ADCYAP1R1: variants seen among roughly 807,000 people sequenced by gnomAD.
The protein encoded by ADCYAP1R1 is pituitary adenylate cyclase-activating polypeptide type I receptor.
In ADCYAP1R1, 44 loss-of-function variants were observed where a neutral mutation model predicts 67.6. The observed-to-expected ratio is 0.65, with a 90% confidence interval of 0.51 to 0.84. ADCYAP1R1 has a LOEUF of 0.84. Ranked by LOEUF, ADCYAP1R1 falls within the 40% of genes least tolerant of loss-of-function variation. The pLI is 0.00. For missense variants in ADCYAP1R1, 477 were observed against 587.9 expected, an observed-to-expected ratio of 0.81 and a Z score of 1.95; for synonymous variants, 222 against 219.6, an observed-to-expected ratio of 1.01 and a Z score of -0.10.
intron 12 of ADCYAP1R1, 149 bp downstream of exon 12, chr7:31,087,845 CTT>C (rs1795817259): frequency 1.0e-5 from 6 of 573,012 alleles, no homozygotes; most frequent in Non-Finnish European, 1.8e-5. Context: ...TGCACAAACT[CTT>C]TAGCTATTCC....
Position 31,081,721 on chromosome 7 carries a change from G to A in ADCYAP1R1, c.295G>A (p.Asp99Asn). 1 of 1,598,580 alleles carries A rather than the reference G, an allele frequency of 6.3e-7. No homozygotes were observed. The highest frequency in any genetic ancestry group is 1.7e-4 in the Middle Eastern group (1 of 6,016). ...VWETETIGES[D>N]FGDSNSLDLS... ...ATGTCTGTATTTTTCAGGAGAGTCT[G>A]ATTTTGGTGACAGTAACTCCTTAGA... Residue 99 changes from aspartate to asparagine, a missense_variant, in exon 6 of 16, where the codon GAT becomes AAT. Physicochemically the swap from Asp to Asn is conservative, Grantham distance 23 (BLOSUM62 1). Coordinates refer to ENST00000304166, the MANE Select transcript of ADCYAP1R1 (RefSeq NM_001118.5).
intron 12 of ADCYAP1R1, among the ~76,000 whole-genome samples, chr7:31,088,769 T>C (rs1795850051): frequency 6.6e-6 from 1 of 152,344 alleles, no homozygotes; most frequent in African/African-American, 2.4e-5. Context: ...TACTGTAACC[T>C]TGTAGCATGT....
At chr7:31,069,807 C>A (rs1262529997) in intron 3 of ADCYAP1R1, among the ~76,000 whole-genome samples, 2 of 152,100 alleles carry the variant, frequency 1.3e-5, no homozygotes, top group Non-Finnish European at 2.9e-5. Flanking sequence ...AAAATAGAGC[C>A]CAGAGAGGTG....
intron 13 of ADCYAP1R1, among the ~76,000 whole-genome samples, chr7:31,097,923 C>T (rs1796270482): frequency 6.6e-6 from 1 of 152,144 alleles, no homozygotes. Flanking sequence ...AATTTTTAGA[C>T]AGAGTCTTGC....
At chr7:31,060,018 A>G (rs535813940) in intron 1 of ADCYAP1R1, among the ~76,000 whole-genome samples, 1 of 149,938 alleles carries the variant, frequency 6.7e-6, no homozygotes, top group Non-Finnish European at 1.5e-5. Flanking sequence ...GAGGCACCCT[A>G]TTGAGAGTGC....
chr7:31,096,253 A>T (rs544530782), intron 13 of ADCYAP1R1, among the ~76,000 whole-genome samples: 2 of 151,966 alleles, frequency 1.3e-5, no homozygotes, highest in African/African-American at 4.8e-5. Flanking sequence ...AGGAGGGAAA[A>T]CCCATTTGTA....
chr7:31,071,280 TC>T (rs1794967637), intron 3 of ADCYAP1R1, among the ~76,000 whole-genome samples: 1 of 152,198 alleles, frequency 6.6e-6, no homozygotes, highest in East Asian at 1.9e-4. Context: ...ATCCCTTTCC[TC>T]CTGCTCTCAC....
In ADCYAP1R1 at chr7:31,093,764, C is replaced by G. The variant is rs562542575; in HGVS notation, c.1046+1029C>G. Reference sequence around the variant, plus strand: ...CTGGGTGCCTCATTGGGTCCATGGTCCTGCCTTCATCAGAGACCCCAGTAG... The same window carrying G: ...CTGGGTGCCTCATTGGGTCCATGGTGCTGCCTTCATCAGAGACCCCAGTAG... On this transcript the variant is annotated intron_variant, in intron 13 of 15. Coordinates refer to ENST00000304166, the MANE Select transcript of ADCYAP1R1 (RefSeq NM_001118.5). Among the ~76,000 whole-genome samples the G allele has an allele frequency of 1.4e-3, 220 of 152,170 alleles. 1 individual carries two copies. The highest frequency in any genetic ancestry group is 3.4e-3 in the Middle Eastern group (1 of 294).
At chr7:31,101,957 T>C (rs1752485258) in intron 13 of ADCYAP1R1, among the ~76,000 whole-genome samples, 1 of 152,122 alleles carries the variant, frequency 6.6e-6, no homozygotes, top group South Asian at 2.1e-4. Flanking sequence ...CGGGCTGAGC[T>C]CCCTCTGCCT....
chr7:31,080,966 C>A lies in ADCYAP1R1; in HGVS notation c.286+333C>A, dbSNP rs545020323. Among the ~76,000 whole-genome samples, 4 of 152,322 alleles carry A rather than the reference C, an allele frequency of 2.6e-5. No homozygotes were observed. The South Asian group carries it at 6.2e-4, about 24-fold the overall frequency. The stretch of plus-strand genomic sequence containing the variant: ...ATATGTGCATATGCCCAGACCTGAA[C>A]ATGTGCATCAGTCCATGCAGATATT... On this transcript the variant is annotated intron_variant, in intron 5 of 15. Transcript: ENST00000304166.
At chr7:31,060,445 G>T (rs1272626779) in intron 1 of ADCYAP1R1, among the ~76,000 whole-genome samples, 1 of 152,112 alleles carries the variant, frequency 6.6e-6, no homozygotes, top group Non-Finnish European at 1.5e-5. Context: ...TTCTGTGTGT[G>T]GTCCTCTATG....
intron 1 of ADCYAP1R1, among the ~76,000 whole-genome samples, chr7:31,055,746 T>G (rs1435997447): frequency 6.6e-6 from 1 of 152,158 alleles, no homozygotes; most frequent in Non-Finnish European, 1.5e-5. Flanking sequence ...GTCAGAGAGG[T>G]TGACAAAGGG....
rs1002877802 is a variant in ADCYAP1R1, at chr7:31,096,680, G to C, written c.1046+3945G>C. Among the ~76,000 whole-genome samples, 89 of 152,260 alleles carry C rather than the reference G, an allele frequency of 5.8e-4. 1 individual carries two copies. The highest frequency in any genetic ancestry group is 3.4e-3 in the Middle Eastern group (1 of 294). ...TCGTCCTTGTGGTTGCGGAGGAGGTGGTGGTGGGCAGGAAGTTCCCAGGAT... is the reference window on the plus strand; with the variant it reads ...TCGTCCTTGTGGTTGCGGAGGAGGTCGTGGTGGGCAGGAAGTTCCCAGGAT... On this transcript the variant is annotated intron_variant, in intron 13 of 15. Coordinates refer to ENST00000304166, the MANE Select transcript of ADCYAP1R1 (RefSeq NM_001118.5).
rs372962736 is a variant in ADCYAP1R1, at chr7:31,086,358, C to T, written c.670-26C>T. ...CTCCTGTTCCTGTTGGGCTCACGCCCCTCACCCTGGCGCTTCTCCCTGCAG... is the reference window on the plus strand; with the variant it reads ...CTCCTGTTCCTGTTGGGCTCACGCCTCTCACCCTGGCGCTTCTCCCTGCAG... On this transcript the variant is annotated intron_variant, in intron 9 of 15. Transcript: ENST00000304166. This position sits in a 1 kb window ranked among gnomAD's most constrained non-coding sequence, Gnocchi z 5.0. 14 of 1,611,356 alleles carry T rather than the reference C, an allele frequency of 8.7e-6. No individual in the cohort carries two copies. Among genetic ancestry groups the T allele is most frequent in the South Asian group, 2.2e-5 (2 of 90,274 alleles).
rs180695770 is a variant in ADCYAP1R1 at position 31,067,672 on chromosome 7, G to A, written c.157+2736G>A. Reference sequence around the variant, plus strand: ...CACCACCTCTAAAGAGTGACATGCTGTGGGTCCCAGCACCCCCCCGGGCGC... The same window carrying A: ...CACCACCTCTAAAGAGTGACATGCTATGGGTCCCAGCACCCCCCCGGGCGC... On this transcript the variant is annotated intron_variant, in intron 3 of 15. Coordinates refer to ENST00000304166, the MANE Select transcript of ADCYAP1R1 (RefSeq NM_001118.5). 5.2e-3 allele frequency among the ~76,000 whole-genome samples: 795 copies of A among 152,290 alleles called. 9 individuals are homozygous for A. Among genetic ancestry groups the A allele is most frequent in the African/African-American group, 0.018 (755 of 41,552 alleles).
intron 15 of ADCYAP1R1, among the ~76,000 whole-genome samples, chr7:31,106,029 G>A: frequency 6.6e-6 from 1 of 152,180 alleles, no homozygotes; most frequent in East Asian, 1.9e-4. Flanking sequence ...ATGATGTCTG[G>A]GTCTTGTGCA....
chr7:31,097,000 G>A (rs961339090), intron 13 of ADCYAP1R1, among the ~76,000 whole-genome samples: 1 of 152,248 alleles, frequency 6.6e-6, no homozygotes. Flanking sequence ...GCACACCACA[G>A]CTGCGGAAGC....
chr7:31,094,160 G>A (rs1216123283), intron 13 of ADCYAP1R1, among the ~76,000 whole-genome samples: 1 of 152,064 alleles, frequency 6.6e-6, no homozygotes, highest in African/African-American at 2.4e-5. Context: ...TTTCTTTCAT[G>A]TTTTTGCAAG....
chr7:31,076,978 G>T (rs1345366418), intron 3 of ADCYAP1R1, among the ~76,000 whole-genome samples: 1 of 152,208 alleles, frequency 6.6e-6, no homozygotes, highest in Non-Finnish European at 1.5e-5. Context: ...ACACACCTGT[G>T]ATGTTGTGCA....
Sources: allele counts gnomAD v4.1 joint callset (sites outside exome capture counted in the v4.1 genomes callset), GRCh38; gene constraint gnomAD v4.1.1; non-coding constraint Gnocchi (gnomAD v3.1); transcripts MANE v1.5; gene names NCBI Gene and HGNC (gene_info 2026-07-23, HGNC 2026-07-21).